MFHAS1: variants seen among roughly 807,000 people sequenced by gnomAD.
The protein encoded by MFHAS1 is malignant fibrous histiocytoma-amplified sequence 1.
Under a neutral mutation model 70.4 loss-of-function variants are expected in MFHAS1, and 50 were observed. The ratio of observed to expected loss-of-function variants is 0.71; its 90% CI spans 0.57 to 0.90. The LOEUF is 0.90. MFHAS1 is among the 40% of genes least tolerant of loss of function. MFHAS1 has a pLI of 0.00. For synonymous variants in MFHAS1, 952 were observed against 620.0 expected (o/e 1.54, Z -7.96); for missense variants, 1,795 against 1,347.6 (o/e 1.33, Z -5.20).
At chr8:8,810,422 A>C (rs1216894895) in intron 1 of MFHAS1, among the ~76,000 whole-genome samples, 1 of 152,210 alleles carries the variant, frequency 6.6e-6, no homozygotes, top group Non-Finnish European at 1.5e-5. Context: ...CAAAGGTTTG[A>C]ACCATGCAGG....
chr8:8,813,532 T>C (rs1030298495), intron 1 of MFHAS1, among the ~76,000 whole-genome samples: 1 of 152,190 alleles, frequency 6.6e-6, no homozygotes, highest in African/African-American at 2.4e-5. Context: ...TGTGTAGGCC[T>C]GAGCCAATGT....
intron 1 of MFHAS1, among the ~76,000 whole-genome samples, chr8:8,837,974 G>C (rs957781540): frequency 1.3e-5 from 2 of 152,134 alleles, no homozygotes; most frequent in African/African-American, 4.8e-5. Context: ...ACAAAGACTT[G>C]TACATGCATG....
chr8:8,832,247 C>G (rs557304055), intron 1 of MFHAS1, among the ~76,000 whole-genome samples: 2 of 152,158 alleles, frequency 1.3e-5, no homozygotes, highest in South Asian at 4.2e-4. Context: ...TGAACTCTTG[C>G]TCTTCAAAAG....
intron 1 of MFHAS1, among the ~76,000 whole-genome samples, chr8:8,885,669 CAGCAA>C (rs1809725160): frequency 6.6e-6 from 1 of 152,236 alleles, no homozygotes; most frequent in African/African-American, 2.4e-5. Context: ...CAGCTATGGG[CAGCAA>C]GTCTGCAAAA....
At chr8:8,885,357 G>T (rs779238607) in intron 1 of MFHAS1, among the ~76,000 whole-genome samples, 3 of 152,146 alleles carry the variant, frequency 2.0e-5, no homozygotes, top group Non-Finnish European at 2.9e-5. Context: ...AAAATCTGCA[G>T]TCAATGCAAG....
chr8:8,891,892 G>C lies in MFHAS1; in HGVS notation c.1167C>G (p.Ile389Met). The change falls in exon 1 of 3, where the codon ATC (isoleucine) becomes ATG (methionine). Residue 389 changes from isoleucine to methionine, a missense_variant. Coordinates refer to ENST00000276282, the MANE Select transcript of MFHAS1 (RefSeq NM_004225.3). This position sits in a 1 kb window ranked among gnomAD's most constrained non-coding sequence, Gnocchi z 5.4. ...QPPYEVCMKG[I>M]PYIAAYQKEL... is the part of the protein sequence containing the mutation. ...CCTTCTGGTAGGCTGCGATGTAGGG[G>C]ATCCCCTTCATGCAGACCTCGTAGG... The C allele has an allele frequency of 1.2e-6, 2 of 1,611,388 alleles. No homozygotes were observed. The highest frequency in any genetic ancestry group is 2.2e-5 in the South Asian group (2 of 90,774).
At chr8:8,882,247 G>C (rs532646357) in intron 1 of MFHAS1, among the ~76,000 whole-genome samples, 2 of 152,092 alleles carry the variant, frequency 1.3e-5, no homozygotes, top group African/African-American at 4.8e-5. Context: ...AAAATTAGCT[G>C]GGGGTGGTGG....
At chr8:8,792,731 A>G (rs1210954686) in intron 2 of MFHAS1, among the ~76,000 whole-genome samples, 1 of 152,206 alleles carries the variant, frequency 6.6e-6, no homozygotes, top group Non-Finnish European at 1.5e-5. Context: ...ACGTTCTAAA[A>G]TTAGATTGTG....
chr8:8,813,720 T>C (rs899670508), intron 1 of MFHAS1, among the ~76,000 whole-genome samples: 6 of 152,304 alleles, frequency 3.9e-5, no homozygotes, highest in South Asian at 2.1e-4. Context: ...TAAAAGTTTA[T>C]AAAGTAAAAA....
Position 8,890,971 on chromosome 8 carries a change from G to C in MFHAS1, c.2088C>G (p.Thr696=). 4.3e-6 allele frequency: 7 copies of C among 1,613,708 alleles called. No homozygotes were observed. The highest frequency in any genetic ancestry group is 2.2e-5 in the East Asian group (1 of 44,862). ...AGAGGGCACTCTGCAGTCGGTCCTCGGTCAGACCCGCCTGCAGGCCCAAGC... is the reference window on the plus strand; with the variant it reads ...AGAGGGCACTCTGCAGTCGGTCCTCCGTCAGACCCGCCTGCAGGCCCAAGC... ...SARLGLQAGL[T]EDRLQSALSY... is the part of the protein sequence containing the mutation. Residue 696 remains threonine (T), a synonymous_variant, in exon 1 of 3, where the codon ACC becomes ACG. Coordinates refer to ENST00000276282, the MANE Select transcript of MFHAS1 (RefSeq NM_004225.3).
intron 1 of MFHAS1, among the ~76,000 whole-genome samples, chr8:8,822,531 G>T (rs1308269616): frequency 6.6e-6 from 1 of 150,890 alleles, no homozygotes; most frequent in Non-Finnish European, 1.5e-5. Context: ...TCACGTCAGG[G>T]GGATTGAGAT....
At chr8:8,846,607 T>C (rs922334403) in intron 1 of MFHAS1, among the ~76,000 whole-genome samples, 1 of 151,912 alleles carries the variant, frequency 6.6e-6, no homozygotes, top group Non-Finnish European at 1.5e-5. Flanking sequence ...ACCTCTCTGA[T>C]CTCTTTTCTC....
chr8:8,807,646 G>A (rs935274149), intron 1 of MFHAS1, among the ~76,000 whole-genome samples: 8 of 152,144 alleles, frequency 5.3e-5, no homozygotes, highest in South Asian at 2.1e-4. Flanking sequence ...AGGCATTCGC[G>A]TGGATGGCAT....
intron 1 of MFHAS1, among the ~76,000 whole-genome samples, chr8:8,813,870 G>C (rs941069857): frequency 1.4e-4 from 21 of 151,634 alleles, no homozygotes; most frequent in Non-Finnish European, 2.8e-4. Flanking sequence ...GACTCACCCA[G>C]AGCAACTTCC....
At chr8:8,835,918 G>A (rs890122626) in intron 1 of MFHAS1, among the ~76,000 whole-genome samples, 6 of 152,222 alleles carry the variant, frequency 3.9e-5, no homozygotes, top group Non-Finnish European at 7.3e-5. Flanking sequence ...ATCTACGACT[G>A]CTTTCCAAGG....
At chr8:8,846,508 A>G (rs1423879380) in intron 1 of MFHAS1, among the ~76,000 whole-genome samples, 1 of 151,668 alleles carries the variant, frequency 6.6e-6, no homozygotes, top group Non-Finnish European at 1.5e-5. Context: ...TTCACCACAC[A>G]CTCTCCAGGA....
At chr8:8,796,115 C>T (rs528416173) in intron 2 of MFHAS1, among the ~76,000 whole-genome samples, 1 of 152,276 alleles carries the variant, frequency 6.6e-6, no homozygotes, top group African/African-American at 2.4e-5. Flanking sequence ...AACACACATA[C>T]ATAAAACCCA....
At chr8:8,799,399 C>T (rs1239657305) in intron 1 of MFHAS1, among the ~76,000 whole-genome samples, 1 of 152,146 alleles carries the variant, frequency 6.6e-6, no homozygotes, top group East Asian at 1.9e-4. Flanking sequence ...GAAAGTGAAA[C>T]CATGGATAAG....
chr8:8,859,668 T>A (rs1808588375), intron 1 of MFHAS1, among the ~76,000 whole-genome samples: 1 of 152,334 alleles, frequency 6.6e-6, no homozygotes, highest in East Asian at 1.9e-4. Flanking sequence ...CCTTACGGTT[T>A]TCTCAGTAAC....
Sources: gnomAD v4.1 joint callset for allele counts (sites outside exome capture counted in the v4.1 genomes callset) on GRCh38, gnomAD v4.1.1 for gene constraint, Gnocchi (gnomAD v3.1) non-coding constraint, MANE v1.5 for transcripts, NCBI Gene and HGNC (gene_info 2026-07-23, HGNC 2026-07-21) for gene names.